The following MYLK2 variants were observed in gnomAD, a reference collection of about 807,000 sequenced individuals.
MYLK2 encodes myosin light chain kinase 2.
MYLK2 carries 27 observed loss-of-function variants against 58.2 expected under a neutral mutation model. The ratio of observed to expected loss-of-function variants is 0.46; its 90% CI spans 0.34 to 0.64. The LOEUF (loss-of-function observed/expected upper bound fraction) is 0.64, where lower values mean the gene tolerates loss of function less well. Among genes scored for constraint, MYLK2 ranks in the 30% least tolerant of loss-of-function variants. The probability of loss-of-function intolerance (pLI) is 0.01; values close to 1 mark genes in which losing one functional copy is unlikely to be tolerated. For synonymous variants in MYLK2, 310 were observed against 296.7 expected, an observed-to-expected ratio of 1.04 and a Z score of -0.46; for missense variants, 676 against 764.3, an observed-to-expected ratio of 0.88 and a Z score of 1.36.
chr20:31,825,209 C>T (rs2062272894), intron 6 of MYLK2, among the ~76,000 whole-genome samples: 1 of 152,226 alleles, frequency 6.6e-6, no homozygotes, highest in African/African-American at 2.4e-5. Context: ...CCCATTATGG[C>T]TCTAAGCACA....
rs369886665 is a variant in MYLK2 at position 31,831,692 on chromosome 20, C to T, written c.1425-11C>T. The T allele has an allele frequency of 1.3e-5, 21 of 1,613,882 alleles. No homozygotes were observed. The highest frequency in any genetic ancestry group is 1.7e-5 in the Non-Finnish European group (20 of 1,179,986). On this transcript the variant is annotated splice_polypyrimidine_tract_variant and intron_variant, in intron 10 of 12. Transcript: ENST00000375985. Reference sequence around the variant, plus strand: ...CTCACCTCCCTGCCCCCTGCTATCCCCTCCCTCTAGGCTGAGCGGCCTCTC... The same window carrying T: ...CTCACCTCCCTGCCCCCTGCTATCCTCTCCCTCTAGGCTGAGCGGCCTCTC...
intron 12 of MYLK2, among the ~76,000 whole-genome samples, chr20:31,832,697 TG>T (rs2062313111): frequency 6.6e-6 from 1 of 152,140 alleles, no homozygotes; most frequent in Non-Finnish European, 1.5e-5. Flanking sequence ...TTCACCATGT[TG>T]GCCAGGCTGG....
rs1568627587 is a variant in MYLK2, at chr20:31,821,324, AT to A, written c.474-113del. On this transcript the variant is annotated intron_variant, in intron 3 of 12. Coordinates refer to ENST00000375985, the MANE Select transcript of MYLK2 (RefSeq NM_033118.4). ...TTTTGTACCAGGTGAATTTGGCTGT[AT>A]TACACCATGCATTTGGGGTGGGGTT... 4.0e-6 allele frequency: 5 copies of A among 1,258,140 alleles called. No individual in the cohort carries two copies. The African/African-American group carries it at 5.9e-5, about 15-fold the overall frequency. 77.9% of individuals were successfully genotyped at this position (1,258,140 alleles called of 1,614,324 possible).
intron 8 of MYLK2, chr20:31,827,226 GC>G (rs1351865578): frequency 3.0e-6 from 3 of 985,314 alleles, no homozygotes; most frequent in African/African-American, 3.5e-5. Flanking sequence ...AGTCCTGTGA[GC>G]CCCAAGCTCA....
rs377538868 is a variant in MYLK2, at chr20:31,825,851, G to A, written c.973-754G>A. ...TGGTGTAAGTATTCCTATTATAGCC[G>A]ATATATCAGCCTACCGATGTGACAG... On this transcript the variant is annotated intron_variant, in intron 6 of 12. Coordinates refer to ENST00000375985, the MANE Select transcript of MYLK2 (RefSeq NM_033118.4). Among the ~76,000 whole-genome samples, 97 of 152,322 alleles carry A rather than the reference G, an allele frequency of 6.4e-4. 1 individual carries two copies. The South Asian group carries it at 0.016, about 24-fold the overall frequency.
At chr20:31,830,489 G>GC (rs1305386166) in intron 8 of MYLK2, among the ~76,000 whole-genome samples, 1 of 152,166 alleles carries the variant, frequency 6.6e-6, no homozygotes, top group African/African-American at 2.4e-5. Flanking sequence ...GGGATAGCAG[G>GC]CTGTCATGCC....
Position 31,827,022 on chromosome 20 carries a change from C to T in MYLK2, c.1224+84C>T, listed in dbSNP as rs879229420. On this transcript the variant is annotated intron_variant, in intron 8 of 12. Coordinates refer to ENST00000375985, the MANE Select transcript of MYLK2 (RefSeq NM_033118.4). ...GTGCTGTCACCAGCCATCCCTCTGC[C>T]CTCCCATCCCTCCATCTCTTCCTTC... 3.1e-6 allele frequency: 5 copies of T among 1,587,988 alleles called. No individual in the cohort carries two copies. In the South Asian group the frequency reaches 4.5e-5, roughly 14 times the overall value.
Position 31,820,255 on chromosome 20 carries a change from AAG to A in MYLK2, c.183_184del (p.Asp63TrpfsTer9). The A allele has an allele frequency of 6.2e-7, 1 of 1,613,962 alleles. No homozygotes were observed. The highest frequency in any genetic ancestry group is 8.5e-7 in the Non-Finnish European group (1 of 1,180,002). On this transcript the variant is annotated frameshift_variant, in exon 3 of 13. Coordinates refer to ENST00000375985, the MANE Select transcript of MYLK2 (RefSeq NM_033118.4). LOFTEE classifies it high-confidence loss of function. ...GATGCCAAAGCCCCTGCCTCAGAGA[AAG>A]GGGATGGTACCCTGGCCCAACCCTC...
At chr20:31,830,940 G>T in intron 9 of MYLK2, 51 bp downstream of exon 9, 1 of 1,613,900 alleles carries the variant, frequency 6.2e-7, no homozygotes, top group South Asian at 1.1e-5. Context: ...AGTTGGCAGG[G>T]GACAGGGGTG....
intron 5 of MYLK2, chr20:31,823,786 G>A (rs1037722857): frequency 1.3e-5 from 5 of 382,216 alleles, no homozygotes; most frequent in Non-Finnish European, 7.2e-6. Flanking sequence ...TTACTCAGAC[G>A]CACCGTCAGC....
intron 8 of MYLK2, 38 bp downstream of exon 8, chr20:31,826,976 G>C: frequency 6.2e-7 from 1 of 1,613,388 alleles, no homozygotes; most frequent in Non-Finnish European, 8.5e-7. Context: ...GTCAGGGGCA[G>C]CCTCCGACCC....
chr20:31,833,620 C>T, intron 12 of MYLK2, 97 bp from the exon 13 acceptor site: 2 of 1,095,228 alleles, frequency 1.8e-6, no homozygotes, highest in Admixed American at 3.4e-5. Context: ...AGCCTGTGAC[C>T]CTCCTGGACT....
At position 31,826,616 on chromosome 20, in the gene MYLK2, G is replaced by A. The variant is rs1310444486; in HGVS notation, c.984G>A (p.Leu328=). 6.2e-7 allele frequency: 1 copy of A among 1,613,992 alleles called. No individual in the cohort carries two copies. Among genetic ancestry groups the A allele is most frequent in the Non-Finnish European group, 8.5e-7 (1 of 1,180,018 alleles). The part of the protein sequence containing the change: ...KQTPKDKEMV[L]LEIEVMNQLN... The stretch of plus-strand genomic sequence containing the variant: ...TCCCTGGTCCCCAGGAAATGGTGTT[G>A]CTGGAGATTGAGGTCATGAACCAGC... The change falls in exon 7 of 13, where the codon TTG becomes TTA. Residue 328 remains leucine, a synonymous_variant. Transcript: ENST00000375985.
intron 12 of MYLK2, 104 bp downstream of exon 12, chr20:31,832,240 C>G (rs2062310793): frequency 1.4e-6 from 2 of 1,479,932 alleles, no homozygotes; most frequent in Admixed American, 3.9e-5. Flanking sequence ...TTCTGTTGAC[C>G]AGGCTGGGCC....
At chr20:31,827,950 T>A (rs562467287) in intron 8 of MYLK2, among the ~76,000 whole-genome samples, 1 of 144,130 alleles carries the variant, frequency 6.9e-6, no homozygotes, top group South Asian at 2.2e-4. Context: ...TGCAGTGGTG[T>A]GATCTTGGCT....
chr20:31,827,659 C>G, intron 8 of MYLK2: 1 of 525,712 alleles, frequency 1.9e-6, no homozygotes, highest in Non-Finnish European at 2.4e-6. Context: ...GCTGGGATTA[C>G]AGACACCTGC....
intron 4 of MYLK2, among the ~76,000 whole-genome samples, chr20:31,822,523 A>G (rs2062256239): frequency 6.6e-6 from 1 of 152,068 alleles, no homozygotes; most frequent in Non-Finnish European, 1.5e-5. Context: ...TGGCTTGTTC[A>G]TGGGCTGCAG....
At chr20:31,826,049 G>A (rs984417426) in intron 6 of MYLK2, among the ~76,000 whole-genome samples, 1 of 152,154 alleles carries the variant, frequency 6.6e-6, no homozygotes, top group Non-Finnish European at 1.5e-5. Flanking sequence ...ACTTAGGATG[G>A]CTCGTAACTT....
At chr20:31,819,670 G>T (rs1226600997) in intron 2 of MYLK2, 38 bp downstream of exon 2, 2 of 1,550,708 alleles carry the variant, frequency 1.3e-6, no homozygotes, top group African/African-American at 2.7e-5. Flanking sequence ...GAGGAGCTTG[G>T]GAAGGGGGGT....
Sources: allele counts gnomAD v4.1 joint callset (sites outside exome capture counted in the v4.1 genomes callset), GRCh38; gene constraint gnomAD v4.1.1; transcripts MANE v1.5; gene names NCBI Gene and HGNC (gene_info 2026-07-23, HGNC 2026-07-21).